HEATR5A: variants seen among roughly 807,000 people sequenced by gnomAD.
HEATR5A encodes the protein HEAT repeat containing 5A.
In HEATR5A, 178 loss-of-function variants were observed where a neutral mutation model predicts 218.8. The ratio of observed to expected loss-of-function variants is 0.81; its 90% CI spans 0.72 to 0.92. The LOEUF (loss-of-function observed/expected upper bound fraction) is 0.92, where lower values mean the gene tolerates loss of function less well. Ranked by LOEUF, HEATR5A falls within the 40% of genes least tolerant of loss-of-function variation. The pLI is 0.00. For synonymous variants in HEATR5A, 864 were observed against 871.6 expected (o/e 0.99, Z 0.15); for missense variants, 2,420 against 2,418.9 (o/e 1.00, Z -0.01).
At chr14:31,343,263 T>C (rs1900901592) in intron 21 of HEATR5A, among the ~76,000 whole-genome samples, 1 of 152,106 alleles carries the variant, frequency 6.6e-6, no homozygotes, top group Admixed American at 6.5e-5. Context: ...CAGCTAATTT[T>C]TGTATTTTTA....
chr14:31,354,726 A>T (rs1901359464), intron 16 of HEATR5A, among the ~76,000 whole-genome samples: 1 of 152,220 alleles, frequency 6.6e-6, no homozygotes, highest in African/African-American at 2.4e-5. Flanking sequence ...TTTATTTTAC[A>T]TTATACATTT....
At chr14:31,397,160 G>A (rs534341389) in intron 4 of HEATR5A, among the ~76,000 whole-genome samples, 1 of 152,110 alleles carries the variant, frequency 6.6e-6, no homozygotes, top group African/African-American at 2.4e-5. Context: ...AATCAGCTAC[G>A]TCCTTCTTAA....
chr14:31,394,910 A>T (rs542047175), intron 5 of HEATR5A, among the ~76,000 whole-genome samples: 5 of 152,310 alleles, frequency 3.3e-5, no homozygotes, highest in African/African-American at 1.2e-4. Flanking sequence ...AAACAACATA[A>T]ACCTCACATG....
chr14:31,416,705 T>A (rs2031461346), intron 1 of HEATR5A, among the ~76,000 whole-genome samples: 3 of 152,194 alleles, frequency 2.0e-5, no homozygotes, highest in Admixed American at 6.5e-5. Flanking sequence ...ACTTTCCATT[T>A]GGTTCTCACT....
At chr14:31,351,721 C>T (rs910572308) in intron 16 of HEATR5A, among the ~76,000 whole-genome samples, 1 of 151,928 alleles carries the variant, frequency 6.6e-6, no homozygotes, top group Non-Finnish European at 1.5e-5. Flanking sequence ...AAGTGATCCT[C>T]CAGCCTCAGC....
intron 11 of HEATR5A, among the ~76,000 whole-genome samples, chr14:31,378,055 C>A (rs1902294893): frequency 6.6e-6 from 1 of 152,138 alleles, no homozygotes; most frequent in Non-Finnish European, 1.5e-5. Flanking sequence ...CCTTAATTCA[C>A]CAGGAACTTC....
chr14:31,292,972 T>C lies in HEATR5A; in HGVS notation c.*333A>G, dbSNP rs1448647958. The stretch of plus-strand genomic sequence containing the variant: ...TTTATATCTGTCACAGTATTAAGTA[T>C]ACCACATATGTATGGACTGTTAGAA... On this transcript the variant is annotated 3_prime_UTR_variant, in exon 36 of 36. Transcript: ENST00000543095. 4.9e-6 allele frequency: 1 copy of C among 205,806 alleles called. No individual in the cohort carries two copies. The highest frequency in any genetic ancestry group is 9.8e-6 in the Non-Finnish European group (1 of 102,012). The allele number at this position is 205,806 out of a possible 1,614,324, so 12.7% of individuals were successfully genotyped here.
chr14:31,365,389 C>A, intron 13 of HEATR5A, among the ~76,000 whole-genome samples: 1 of 151,896 alleles, frequency 6.6e-6, no homozygotes, highest in African/African-American at 2.4e-5. Flanking sequence ...GAGATGGAGT[C>A]TTGCTCTATT....
chr14:31,302,743 TG>T, intron 32 of HEATR5A: 1 of 495,378 alleles, frequency 2.0e-6, no homozygotes, highest in Non-Finnish European at 3.6e-6. Flanking sequence ...AAATAAATTG[TG>T]TGAGTATCAT....
chr14:31,383,637 G>A lies in HEATR5A; in HGVS notation c.1480C>T (p.Arg494Trp), dbSNP rs369898416. 3.0e-5 allele frequency: 49 copies of A among 1,613,838 alleles called. No individual in the cohort carries two copies. The highest frequency in any genetic ancestry group is 1.3e-4 in the East Asian group (6 of 44,890). Residue 494 changes from arginine to tryptophan, a missense_variant, in exon 10 of 36, where the codon CGG (arginine) becomes TGG (tryptophan). Coordinates refer to ENST00000543095, the MANE Select transcript of HEATR5A (RefSeq NM_015473.4). Reference protein sequence around the residue: ...LTPLLDRCLERLTGHKSSPEA... With the variant: ...LTPLLDRCLEWLTGHKSSPEA... The stretch of plus-strand genomic sequence containing the variant: ...GGTGAAGACTTATGTCCAGTAAGCC[G>A]TTCAAGGCAACGATCCAAGAGTGGT...
chr14:31,415,611 T>C (rs1452078574), intron 1 of HEATR5A, among the ~76,000 whole-genome samples: 1 of 152,254 alleles, frequency 6.6e-6, no homozygotes, highest in Non-Finnish European at 1.5e-5. Flanking sequence ...TACGTGTATA[T>C]CTGCTTTGCT....
In HEATR5A at chr14:31,348,820, C is replaced by T. The variant is rs117051852; in HGVS notation, c.2709-913G>A. On this transcript the variant is annotated intron_variant, in intron 18 of 35. Transcript: ENST00000543095. ...GTTGGGATTAGAGCCAAGTTAATAA[C>T]CTGACTCCATCCTTCAAATCAGACA... is the stretch of plus-strand genomic sequence containing the variant. 4.4e-4 allele frequency among the ~76,000 whole-genome samples: 67 copies of T among 152,230 alleles called. No individual in the cohort carries two copies. The East Asian group carries it at 0.01, about 23-fold the overall frequency.
At chr14:31,399,027 CCTAT>C (rs1036055747) in intron 3 of HEATR5A, among the ~76,000 whole-genome samples, 23 of 145,388 alleles carry the variant, frequency 1.6e-4, no homozygotes, top group Non-Finnish European at 2.5e-4. Context: ...AAGATTTACC[CCTAT>C]GTTTTTTCCT....
At position 31,400,379 on chromosome 14, in the gene HEATR5A, G is replaced by C. The variant is rs2030825866; in HGVS notation, c.260C>G (p.Ser87Cys). ...AILYSIGDTF[S>C]VHEAIDKCND... ...ACATTTATCGATTGCTTCATGAACG[G>C]AGAATGTGTCTCCAATACTATAAAG... is the stretch of plus-strand genomic sequence containing the variant. The change falls in exon 3 of 36, where the codon TCC becomes TGC. Residue 87 changes from serine (S) to cysteine (C), a missense_variant. By Grantham distance (112) the Ser-to-Cys change is moderately radical (BLOSUM62 -1). Transcript: ENST00000543095. 1 of 1,535,744 alleles carries C rather than the reference G, an allele frequency of 6.5e-7. No homozygotes were observed. The highest frequency in any genetic ancestry group is 1.4e-5 in the African/African-American group (1 of 72,992).
chr14:31,375,067 T>C, intron 11 of HEATR5A, 99 bp from the exon 12 acceptor site: 3 of 987,736 alleles, frequency 3.0e-6, no homozygotes, highest in Non-Finnish European at 4.4e-6. Flanking sequence ...ACATTTTAAT[T>C]CATTATTGCA....
intron 33 of HEATR5A, among the ~76,000 whole-genome samples, chr14:31,300,390 C>T (rs1047937626): frequency 6.6e-6 from 1 of 151,696 alleles, no homozygotes; most frequent in African/African-American, 2.4e-5. Flanking sequence ...CGGGTTCAAG[C>T]GATTCCTAGA....
intron 32 of HEATR5A, among the ~76,000 whole-genome samples, chr14:31,303,402 C>T (rs1212604030): frequency 6.6e-6 from 1 of 152,078 alleles, no homozygotes; most frequent in Non-Finnish European, 1.5e-5. Context: ...CACTGCACTG[C>T]AGCCTGGGTG....
In HEATR5A at chr14:31,309,086, G is replaced by A. The variant is rs1899651605; in HGVS notation, c.4538C>T (p.Thr1513Ile). ...GTCAGCAACAACAAAACCCGTGCTT[G>A]TAAGCCACAATGCTGTAGCATGGAG... ...LILHATALWLTSTGFVVADPD... is the reference protein window; with the variant it reads ...LILHATALWLISTGFVVADPD... The change falls in exon 29 of 36, where the codon ACA becomes ATA. Residue 1513 changes from threonine to isoleucine, a missense_variant. By Grantham distance (89) the Thr-to-Ile change is moderately conservative. Transcript: ENST00000543095. The A allele has an allele frequency of 6.2e-7, 1 of 1,613,958 alleles. No homozygotes were observed. Among genetic ancestry groups the A allele is most frequent in the Non-Finnish European group, 8.5e-7 (1 of 1,179,880 alleles).
At chr14:31,340,168 A>T (rs1321888728) in intron 21 of HEATR5A, among the ~76,000 whole-genome samples, 1 of 152,192 alleles carries the variant, frequency 6.6e-6, no homozygotes, top group Non-Finnish European at 1.5e-5. Context: ...AATTAAATTA[A>T]ACTGTAACTA....
Sources: gnomAD v4.1 joint callset for allele counts (sites outside exome capture counted in the v4.1 genomes callset) on GRCh38, gnomAD v4.1.1 for gene constraint, MANE v1.5 for transcripts, NCBI Gene and HGNC (gene_info 2026-07-23, HGNC 2026-07-21) for gene names.